The following ARHGAP15 variants were observed in gnomAD, a reference collection of about 807,000 sequenced individuals.
ARHGAP15 encodes Rho GTPase activating protein 15.
In ARHGAP15, 51 loss-of-function variants were observed where a neutral mutation model predicts 63.7. That is an observed-to-expected ratio of 0.80 (90% CI 0.64 to 1.01). The LOEUF is 1.01. Among genes scored for constraint, ARHGAP15 ranks in the 50% least tolerant of loss-of-function variants. ARHGAP15 has a pLI of 0.00. For synonymous variants in ARHGAP15, 191 were observed against 193.8 expected (o/e 0.99, Z 0.12); for missense variants, 560 against 564.6 (o/e 0.99, Z 0.08).
intron 12 of ARHGAP15, among the ~76,000 whole-genome samples, chr2:143,633,489 T>C (rs1171657675): frequency 1.3e-5 from 2 of 152,122 alleles, no homozygotes; most frequent in Non-Finnish European, 1.5e-5. Flanking sequence ...TCAGCTCCAT[T>C]AGAAAATGTG....
chr2:143,701,579 A>G (rs1362635969), intron 12 of ARHGAP15, among the ~76,000 whole-genome samples: 1 of 152,076 alleles, frequency 6.6e-6, no homozygotes, highest in Non-Finnish European at 1.5e-5. Flanking sequence ...ACAAAAAATA[A>G]AGTGAGCTGG....
intron 11 of ARHGAP15, among the ~76,000 whole-genome samples, chr2:143,617,330 T>C (rs1377434317): frequency 6.6e-6 from 1 of 152,208 alleles, no homozygotes; most frequent in African/African-American, 2.4e-5. Context: ...ATTAGTTTGC[T>C]TGAGCTACCA....
intron 12 of ARHGAP15, among the ~76,000 whole-genome samples, chr2:143,652,716 G>T (rs767852499): frequency 6.6e-6 from 1 of 151,878 alleles, no homozygotes; most frequent in African/African-American, 2.4e-5. Flanking sequence ...TTTCCTGCTT[G>T]TTTGATGCTA....
At chr2:143,527,695 A>G (rs985382284) in intron 10 of ARHGAP15, among the ~76,000 whole-genome samples, 8 of 152,088 alleles carry the variant, frequency 5.3e-5, no homozygotes, top group African/African-American at 1.9e-4. Context: ...TATTTAAAAT[A>G]TTAAGTACAT....
At chr2:143,259,267 T>C (rs1389298335) in intron 6 of ARHGAP15, among the ~76,000 whole-genome samples, 1 of 152,170 alleles carries the variant, frequency 6.6e-6, no homozygotes, top group East Asian at 1.9e-4. Context: ...ACAGATGTTA[T>C]TTGTCCATCA....
intron 6 of ARHGAP15, among the ~76,000 whole-genome samples, chr2:143,360,247 G>T (rs556582731): frequency 9.6e-4 from 146 of 151,874 alleles, no homozygotes; most frequent in Non-Finnish European, 2.6e-4. Context: ...AGCACATTAT[G>T]GTGGTGCTCG....
At chr2:143,675,979 G>A (rs1470132453) in intron 12 of ARHGAP15, among the ~76,000 whole-genome samples, 1 of 152,180 alleles carries the variant, frequency 6.6e-6, no homozygotes, top group Non-Finnish European at 1.5e-5. Context: ...ATTGTTTAGT[G>A]TAACCACCAT....
At chr2:143,143,603 A>G (rs1425269890) in intron 1 of ARHGAP15, among the ~76,000 whole-genome samples, 1 of 147,850 alleles carries the variant, frequency 6.8e-6, no homozygotes, top group Non-Finnish European at 1.5e-5. Flanking sequence ...AATTACTTGA[A>G]CCACCTCAGG....
intron 1 of ARHGAP15, among the ~76,000 whole-genome samples, chr2:143,131,590 C>T (rs1193481956): frequency 1.3e-5 from 2 of 152,288 alleles, no homozygotes; most frequent in African/African-American, 4.8e-5. Flanking sequence ...ATAGACCCTT[C>T]CATTCACTGG....
chr2:143,505,451 A>G (rs1383398415), intron 9 of ARHGAP15, among the ~76,000 whole-genome samples: 1 of 152,252 alleles, frequency 6.6e-6, no homozygotes, highest in African/African-American at 2.4e-5. Context: ...TTTCTGCAGT[A>G]GAAACTGAAA....
At chr2:143,680,199 C>T (rs1396047507) in intron 12 of ARHGAP15, among the ~76,000 whole-genome samples, 1 of 152,120 alleles carries the variant, frequency 6.6e-6, no homozygotes, top group African/African-American at 2.4e-5. Flanking sequence ...AAAAAATCCA[C>T]ACAATATTTT....
rs77709092 is a variant in ARHGAP15, at chr2:143,464,063, T to C, written c.704-23310T>C. Among the ~76,000 whole-genome samples the C allele has an allele frequency of 1.4e-3, 207 of 152,292 alleles. 1 individual carries two copies. Among genetic ancestry groups the C allele is most frequent in the African/African-American group, 4.7e-3 (197 of 41,572 alleles). ...TGTTGCTTTCAACTACCTCTTACCC[T>C]CTTTTCAAAGAACAAGATTATAAAA... is the stretch of plus-strand genomic sequence containing the variant. On this transcript the variant is annotated intron_variant, in intron 8 of 13. Transcript: ENST00000295095.
At chr2:143,497,854 T>C (rs1023850340) in intron 9 of ARHGAP15, among the ~76,000 whole-genome samples, 1 of 151,722 alleles carries the variant, frequency 6.6e-6, no homozygotes, top group African/African-American at 2.4e-5. Flanking sequence ...GTCTCACTCC[T>C]TCCTCACTTA....
intron 10 of ARHGAP15, among the ~76,000 whole-genome samples, chr2:143,551,690 T>A (rs1247846335): frequency 6.6e-6 from 1 of 152,190 alleles, no homozygotes; most frequent in African/African-American, 2.4e-5. Flanking sequence ...TGCCAGCTAT[T>A]TCCTAAGGGA....
intron 6 of ARHGAP15, among the ~76,000 whole-genome samples, chr2:143,311,343 A>G (rs1683439713): frequency 6.6e-6 from 1 of 151,190 alleles, no homozygotes; most frequent in South Asian, 2.1e-4. Flanking sequence ...ATAACCCACC[A>G]TTCATATTCT....
At chr2:143,218,832 C>G (rs1390572283) in intron 4 of ARHGAP15, among the ~76,000 whole-genome samples, 1 of 152,130 alleles carries the variant, frequency 6.6e-6, no homozygotes, top group Non-Finnish European at 1.5e-5. Context: ...GTGCTGAATA[C>G]TGTAGGTGAT....
At chr2:143,704,640 G>T (rs751108893) in intron 13 of ARHGAP15, among the ~76,000 whole-genome samples, 4 of 152,158 alleles carry the variant, frequency 2.6e-5, no homozygotes, top group Non-Finnish European at 4.4e-5. Context: ...ACCTTCTTCA[G>T]ATAAGGCAGA....
At chr2:143,277,868 G>A (rs975524751) in intron 6 of ARHGAP15, among the ~76,000 whole-genome samples, 2 of 151,982 alleles carry the variant, frequency 1.3e-5, no homozygotes, top group South Asian at 2.1e-4. Context: ...ACTCTGTGAG[G>A]AAATTTATAG....
At chr2:143,533,483 A>G (rs1324347052) in intron 10 of ARHGAP15, among the ~76,000 whole-genome samples, 1 of 152,120 alleles carries the variant, frequency 6.6e-6, no homozygotes, top group African/African-American at 2.4e-5. Context: ...CAGAAATATC[A>G]TTTATACTCC....
Sources: allele counts gnomAD v4.1 joint callset (sites outside exome capture counted in the v4.1 genomes callset), GRCh38; gene constraint gnomAD v4.1.1; transcripts MANE v1.5; gene names NCBI Gene and HGNC (gene_info 2026-07-23, HGNC 2026-07-21).